The following PIK3C2G variants were observed in gnomAD, a reference collection of about 807,000 sequenced individuals.
PIK3C2G encodes the protein phosphatidylinositol 3-kinase C2 domain-containing subunit gamma.
PIK3C2G carries 168 observed loss-of-function variants against 181.1 expected under a neutral mutation model. That is an observed-to-expected ratio of 0.93 (90% CI 0.82 to 1.05). The LOEUF (loss-of-function observed/expected upper bound fraction) is 1.05, where lower values mean the gene tolerates loss of function less well. Among genes scored for constraint, PIK3C2G ranks in the 50% least tolerant of loss-of-function variants. The pLI, the probability that PIK3C2G is intolerant of heterozygous loss-of-function variation, is 0.00. For synonymous variants in PIK3C2G, 573 were observed against 592.2 expected (o/e 0.97, Z 0.47); for missense variants, 1,869 against 1,732.8 (o/e 1.08, Z -1.40).
intron 11 of PIK3C2G, among the ~76,000 whole-genome samples, chr12:18,357,447 C>G (rs1431685197): frequency 6.6e-6 from 1 of 152,122 alleles, no homozygotes; most frequent in Non-Finnish European, 1.5e-5. Context: ...CCTATGAATT[C>G]ATTAAATGTT....
At chr12:18,414,285 C>T (rs570026474) in intron 16 of PIK3C2G, among the ~76,000 whole-genome samples, 306 of 152,028 alleles carry the variant, frequency 2.0e-3, no homozygotes, top group African/African-American at 6.8e-3. Flanking sequence ...AAGTATTATT[C>T]GTTTTCTTAG....
chr12:18,275,656 C>T (rs1948954714), intron 1 of PIK3C2G, among the ~76,000 whole-genome samples: 4 of 152,308 alleles, frequency 2.6e-5, no homozygotes, highest in Admixed American at 2.6e-4. Context: ...GCTGGGATTA[C>T]AGTCGTGGGC....
chr12:18,268,766 C>T (rs985270656), intron 1 of PIK3C2G, among the ~76,000 whole-genome samples: 6 of 152,160 alleles, frequency 3.9e-5, no homozygotes, highest in East Asian at 1.9e-4. Flanking sequence ...TTCTCAGAAG[C>T]ATTAAAATTA....
At chr12:18,675,739 G>A in the PIK3C2G span, among the ~76,000 whole-genome samples, 1 of 151,980 alleles carries the variant, frequency 6.6e-6, no homozygotes, top group African/African-American at 2.4e-5. Flanking sequence ...GGATGGAGCT[G>A]GAGTCCATTA....
intron 25 of PIK3C2G, among the ~76,000 whole-genome samples, chr12:18,545,571 T>G (rs1944380622): frequency 6.6e-6 from 1 of 151,794 alleles, no homozygotes; most frequent in African/African-American, 2.4e-5. Context: ...TAAAAAAAAG[T>G]AGTCTAAAGA....
At chr12:18,552,288 GCT>G (rs1241753993) in intron 26 of PIK3C2G, among the ~76,000 whole-genome samples, 1 of 152,016 alleles carries the variant, frequency 6.6e-6, no homozygotes, top group African/African-American at 2.4e-5. Context: ...GACTCTTTAT[GCT>G]CAAATGTCTT....
chr12:18,430,234 A>G (rs191993636), intron 18 of PIK3C2G, among the ~76,000 whole-genome samples: 1 of 152,336 alleles, frequency 6.6e-6, no homozygotes, highest in Non-Finnish European at 1.5e-5. Context: ...CATCGTAGGT[A>G]GAACAACAGT....
intron 18 of PIK3C2G, among the ~76,000 whole-genome samples, chr12:18,442,338 G>T (rs1946787841): frequency 1.3e-5 from 2 of 152,040 alleles, no homozygotes; most frequent in African/African-American, 4.8e-5. Context: ...GAATATTATT[G>T]TCTGTCCTCA....
chr12:18,654,715 G>A, the PIK3C2G span, among the ~76,000 whole-genome samples: 1 of 152,104 alleles, frequency 6.6e-6, no homozygotes, highest in African/African-American at 2.4e-5. Context: ...ATCAGCTCTT[G>A]GTCTGATAAG....
At chr12:18,251,644 CATACT>C in intron 1 of PIK3C2G, among the ~76,000 whole-genome samples, 1 of 151,974 alleles carries the variant, frequency 6.6e-6, no homozygotes, top group Admixed American at 6.6e-5. Flanking sequence ...TTTGAAGAGT[CATACT>C]ATTATACTTA....
chr12:18,643,997 A>G (rs1360818270), intron 32 of PIK3C2G, among the ~76,000 whole-genome samples: 1 of 152,170 alleles, frequency 6.6e-6, no homozygotes, highest in Middle Eastern at 3.2e-3. Context: ...GCCTTTTGTG[A>G]AAATAGTTCT....
At chr12:18,326,339 T>C (rs74070220) in intron 8 of PIK3C2G, among the ~76,000 whole-genome samples, 2,332 of 152,290 alleles carry the variant, frequency 0.015, 74 homozygotes, top group African/African-American at 0.054. Context: ...TTACAGAATA[T>C]TGTGAGTCAG....
intron 12 of PIK3C2G, among the ~76,000 whole-genome samples, chr12:18,368,452 A>T (rs1288311055): frequency 6.6e-6 from 1 of 152,176 alleles, no homozygotes; most frequent in Non-Finnish European, 1.5e-5. Flanking sequence ...ATCCAAATAG[A>T]TCCAAATCCA....
At chr12:18,468,420 A>G (rs1408815102) in intron 18 of PIK3C2G, among the ~76,000 whole-genome samples, 1 of 152,072 alleles carries the variant, frequency 6.6e-6, no homozygotes, top group Non-Finnish European at 1.5e-5. Context: ...CACAACTGCT[A>G]AGTATTCTTC....
At chr12:18,457,874 G>A (rs1592309561) in intron 18 of PIK3C2G, among the ~76,000 whole-genome samples, 1 of 151,868 alleles carries the variant, frequency 6.6e-6, no homozygotes, top group Non-Finnish European at 1.5e-5. Flanking sequence ...CAGACACTTG[G>A]TATTATTTAA....
intron 25 of PIK3C2G, among the ~76,000 whole-genome samples, chr12:18,544,648 T>C (rs1398022924): frequency 6.6e-6 from 1 of 151,716 alleles, no homozygotes; most frequent in Non-Finnish European, 1.5e-5. Flanking sequence ...GTGGTGGCAG[T>C]GTAAATGAAA....
chr12:18,529,334 G>A (rs1372629403), intron 24 of PIK3C2G, among the ~76,000 whole-genome samples: 1 of 151,960 alleles, frequency 6.6e-6, no homozygotes, highest in African/African-American at 2.4e-5. Context: ...TGCTTACTCT[G>A]TTTTAAGATT....
chr12:18,286,348 G>T (rs771184377), intron 2 of PIK3C2G, among the ~76,000 whole-genome samples: 45 of 152,022 alleles, frequency 3.0e-4, no homozygotes, highest in Non-Finnish European at 5.6e-4. Flanking sequence ...CAACTCAGAG[G>T]TTCATTAATA....
chr12:18,466,208 CT>C (rs1342409837), intron 18 of PIK3C2G, among the ~76,000 whole-genome samples: 1 of 151,378 alleles, frequency 6.6e-6, no homozygotes, highest in Non-Finnish European at 1.5e-5. Flanking sequence ...TCTTATTCAT[CT>C]TTTTTATTCC....
Sources: allele counts gnomAD v4.1 joint callset (sites outside exome capture counted in the v4.1 genomes callset), GRCh38; gene constraint gnomAD v4.1.1; transcripts MANE v1.5; gene names NCBI Gene and HGNC (gene_info 2026-07-23, HGNC 2026-07-21).